CCDC170: variants seen among roughly 807,000 people sequenced by gnomAD.
CCDC170 encodes the protein coiled-coil domain containing 170, also known as coiled-coil domain-containing protein 170.
Under a neutral mutation model 72.6 loss-of-function variants are expected in CCDC170, and 69 were observed. That is an observed-to-expected ratio of 0.95 (90% CI 0.78 to 1.16). CCDC170 has a LOEUF of 1.16. Ranked by LOEUF, CCDC170 falls within the 50% of genes most tolerant of loss-of-function variation. CCDC170 has a pLI of 0.00. For missense variants in CCDC170, 852 were observed against 832.5 expected, an observed-to-expected ratio of 1.02 and a Z score of -0.29; for synonymous variants, 300 against 303.9, an observed-to-expected ratio of 0.99 and a Z score of 0.13.
At chr6:151,592,314 C>CA (rs1241550345) in intron 7 of CCDC170, among the ~76,000 whole-genome samples, 1 of 152,110 alleles carries the variant, frequency 6.6e-6, no homozygotes, top group Non-Finnish European at 1.5e-5. Context: ...GAGCCAAGAT[C>CA]AAGCCACTGT....
chr6:151,607,159 G>A (rs186551321), intron 9 of CCDC170, among the ~76,000 whole-genome samples: 1 of 152,250 alleles, frequency 6.6e-6, no homozygotes, highest in East Asian at 1.9e-4. Flanking sequence ...GGCATCAGTA[G>A]AGCAGGCATT....
intron 1 of CCDC170, among the ~76,000 whole-genome samples, chr6:151,526,090 TCC>T (rs1562271373): frequency 2.9e-4 from 43 of 146,064 alleles, no homozygotes; most frequent in African/African-American, 6.4e-4. Flanking sequence ...CTTCCTTCCT[TCC>T]TTTCTTCCTT....
At chr6:151,550,458 A>G (rs1035932177) in intron 5 of CCDC170, among the ~76,000 whole-genome samples, 4 of 152,206 alleles carry the variant, frequency 2.6e-5, no homozygotes, top group Non-Finnish European at 5.9e-5. Context: ...TGAGAAGGGA[A>G]GTTGGAAAGC....
intron 7 of CCDC170, 52 bp from the exon 8 acceptor site, chr6:151,593,055 C>T: frequency 2.6e-6 from 4 of 1,563,834 alleles, no homozygotes; most frequent in Non-Finnish European, 3.5e-6. Flanking sequence ...TGTGAGATCA[C>T]TCATTAACTT....
chr6:151,514,268 T>C lies in CCDC170; in HGVS notation c.57+20083T>C, dbSNP rs553223662. On this transcript the variant is annotated intron_variant, in intron 1 of 10. Transcript: ENST00000239374. Reference sequence around the variant, plus strand: ...GTGAGCCGTGATCATGCCACTGCACTCCAGCCTGGATGACAGAGTGAAATC... The same window carrying C: ...GTGAGCCGTGATCATGCCACTGCACCCCAGCCTGGATGACAGAGTGAAATC... 8.7e-5 allele frequency among the ~76,000 whole-genome samples: 13 copies of C among 149,206 alleles called. No homozygotes were observed. The South Asian group carries it at 2.8e-3, about 32-fold the overall frequency.
intron 9 of CCDC170, among the ~76,000 whole-genome samples, chr6:151,605,423 G>A (rs1277344383): frequency 6.6e-6 from 1 of 152,170 alleles, no homozygotes; most frequent in Non-Finnish European, 1.5e-5. Flanking sequence ...CTACAGTGTG[G>A]TCCTGCTGAA....
At chr6:151,524,463 A>G (rs1215439951) in intron 1 of CCDC170, among the ~76,000 whole-genome samples, 1 of 152,222 alleles carries the variant, frequency 6.6e-6, no homozygotes, top group Non-Finnish European at 1.5e-5. Flanking sequence ...ATTCACAAAC[A>G]GTTTTCAGAT....
chr6:151,533,276 G>A (rs576526330), intron 1 of CCDC170, among the ~76,000 whole-genome samples: 22 of 151,616 alleles, frequency 1.5e-4, no homozygotes, highest in South Asian at 8.3e-4. Flanking sequence ...GGATGGTCTC[G>A]ATCTCCTGAC....
At chr6:151,596,720 C>A (rs1198549189) in intron 9 of CCDC170, 143 bp downstream of exon 9, 13 of 1,159,112 alleles carry the variant, frequency 1.1e-5, no homozygotes, top group African/African-American at 3.1e-5. Context: ...GGGAAAAATG[C>A]AAAAATGACA....
intron 9 of CCDC170, among the ~76,000 whole-genome samples, chr6:151,604,688 C>T (rs1269216926): frequency 6.6e-6 from 1 of 152,114 alleles, no homozygotes; most frequent in Non-Finnish European, 1.5e-5. Flanking sequence ...GAAGTGAGCC[C>T]AGACTGCAAA....
Position 151,582,226 on chromosome 6 carries a change from C to T in CCDC170, c.1093-3663C>T, listed in dbSNP as rs114657947. On this transcript the variant is annotated intron_variant, in intron 6 of 10. Coordinates refer to ENST00000239374, the MANE Select transcript of CCDC170 (RefSeq NM_025059.4). ...ACATTGAAAGTCTGTTGTTTGGTGT[C>T]GCCACCTTCATCAATGATCTTAGCT... is the stretch of plus-strand genomic sequence containing the variant. Among the ~76,000 whole-genome samples, 1,050 of 152,318 alleles carry T rather than the reference C, an allele frequency of 6.9e-3. 13 individuals are homozygous for T. The highest frequency in any genetic ancestry group is 0.024 in the African/African-American group (998 of 41,558).
At chr6:151,594,571 T>G (rs1776592361) in intron 8 of CCDC170, among the ~76,000 whole-genome samples, 2 of 152,200 alleles carry the variant, frequency 1.3e-5, no homozygotes, top group African/African-American at 4.8e-5. Flanking sequence ...CCATTACTTC[T>G]TAATAATTAT....
intron 10 of CCDC170, among the ~76,000 whole-genome samples, chr6:151,617,717 A>G (rs1045595926): frequency 6.6e-6 from 1 of 152,142 alleles, no homozygotes; most frequent in Non-Finnish European, 1.5e-5. Flanking sequence ...CCAATACCAC[A>G]TCAGTTGGCT....
chr6:151,598,805 C>T (rs1290513407), intron 9 of CCDC170, among the ~76,000 whole-genome samples: 2 of 152,168 alleles, frequency 1.3e-5, no homozygotes, highest in South Asian at 2.1e-4. Flanking sequence ...TTTGGGGTGA[C>T]GGTAGTGGGG....
intron 4 of CCDC170, 128 bp downstream of exon 4, chr6:151,544,844 T>C (rs1261185532): frequency 1.2e-6 from 1 of 821,500 alleles, no homozygotes; most frequent in East Asian, 2.6e-5. Flanking sequence ...GTAGTATTAA[T>C]TAACTGTATG....
intron 9 of CCDC170, among the ~76,000 whole-genome samples, chr6:151,614,263 A>G (rs1776921083): frequency 6.6e-6 from 1 of 152,108 alleles, no homozygotes; most frequent in African/African-American, 2.4e-5. Flanking sequence ...CCATCAGACA[A>G]TAGCTCTCAT....
At chr6:151,548,770 A>T (rs1197174146) in intron 5 of CCDC170, among the ~76,000 whole-genome samples, 1 of 152,030 alleles carries the variant, frequency 6.6e-6, no homozygotes, top group Non-Finnish European at 1.5e-5. Flanking sequence ...CCCAGACTGG[A>T]GTGCAGTGGC....
intron 6 of CCDC170, among the ~76,000 whole-genome samples, chr6:151,580,232 T>C (rs1776361447): frequency 6.6e-6 from 1 of 152,080 alleles, no homozygotes; most frequent in Non-Finnish European, 1.5e-5. Flanking sequence ...AATTTTCTCT[T>C]TGGTTTCATT....
chr6:151,596,967 C>T (rs1776635786), intron 9 of CCDC170, among the ~76,000 whole-genome samples: 1 of 152,152 alleles, frequency 6.6e-6, no homozygotes. Flanking sequence ...GCCAGGATTA[C>T]AGGCATGCGC....
Sources: gnomAD v4.1 joint callset for allele counts (sites outside exome capture counted in the v4.1 genomes callset) on GRCh38, gnomAD v4.1.1 for gene constraint, MANE v1.5 for transcripts, NCBI Gene and HGNC (gene_info 2026-07-23, HGNC 2026-07-21) for gene names.